STK31: variants seen among roughly 807,000 people sequenced by gnomAD.
STK31 encodes serine/threonine kinase 31, also known as serine/threonine-protein kinase 31.
A neutral mutation model predicts 129.7 loss-of-function variants in STK31; 89 were observed. The ratio of observed to expected loss-of-function variants is 0.69; its 90% CI spans 0.58 to 0.82. The LOEUF is 0.82. STK31 is among the 40% of genes least tolerant of loss of function. The pLI is 0.00. For missense variants in STK31, 1,187 were observed against 1,176.4 expected, an observed-to-expected ratio of 1.01 and a Z score of -0.13; for synonymous variants, 448 against 395.3, an observed-to-expected ratio of 1.13 and a Z score of -1.58.
At chr7:23,716,179 A>G (rs190335877) in intron 3 of STK31, among the ~76,000 whole-genome samples, 55 of 152,160 alleles carry the variant, frequency 3.6e-4, no homozygotes, top group Admixed American at 2.9e-3. Flanking sequence ...TTTTCCTTGT[A>G]TTTCAAGACT....
At chr7:23,828,313 C>G (rs553325632) in intron 23 of STK31, among the ~76,000 whole-genome samples, 1 of 152,344 alleles carries the variant, frequency 6.6e-6, no homozygotes, top group South Asian at 2.1e-4. Context: ...CTCCCCCAGC[C>G]TCGCTGCCGC....
In STK31 at chr7:23,790,954, AT is replaced by A. The variant is rs1249980561; in HGVS notation, c.2760+15del. 8.4e-6 allele frequency: 13 copies of A among 1,540,526 alleles called. No individual in the cohort carries two copies. The highest frequency in any genetic ancestry group is 1.3e-5 in the South Asian group (1 of 76,494). ...GGCTGCCTCTTATTATGGGTATGTT[AT>A]TTTTTTGTTGAAATAGATCATATAT... On this transcript the variant is annotated intron_variant, in intron 22 of 23. Transcript: ENST00000355870.
intron 21 of STK31, among the ~76,000 whole-genome samples, 185 bp from the exon 22 acceptor site, chr7:23,790,639 A>T (rs1042367408): frequency 5.3e-5 from 8 of 152,208 alleles, no homozygotes. Flanking sequence ...AAAGTCCCAT[A>T]GTTAATTTAT....
chr7:23,762,651 C>T, intron 10 of STK31, 150 bp from the exon 11 acceptor site: 3 of 749,102 alleles, frequency 4.0e-6, no homozygotes, highest in Non-Finnish European at 5.8e-6. Context: ...GTTTTTTTGT[C>T]ATTTTGTTGA....
At chr7:23,770,621 G>C (rs184612050) in intron 13 of STK31, among the ~76,000 whole-genome samples, 2 of 151,996 alleles carry the variant, frequency 1.3e-5, no homozygotes, top group African/African-American at 4.8e-5. Context: ...GAATGGCTTT[G>C]CTTTTTTTAG....
chr7:23,719,936 T>C (rs1211646747), intron 4 of STK31, among the ~76,000 whole-genome samples: 1 of 152,126 alleles, frequency 6.6e-6, no homozygotes, highest in Non-Finnish European at 1.5e-5. Flanking sequence ...CATGATACTC[T>C]CAAATTTTTT....
chr7:23,732,522 C>T (rs1442088905), intron 6 of STK31, among the ~76,000 whole-genome samples: 3 of 152,226 alleles, frequency 2.0e-5, no homozygotes, highest in Non-Finnish European at 4.4e-5. Flanking sequence ...ATTTCAAGTT[C>T]AGGGTTCTGT....
intron 15 of STK31, among the ~76,000 whole-genome samples, chr7:23,781,061 C>A (rs940426248): frequency 6.6e-5 from 10 of 152,204 alleles, no homozygotes; most frequent in African/African-American, 2.2e-4. Flanking sequence ...ATGTAGAAGA[C>A]AATTCTAGGG....
At chr7:23,771,900 G>A (rs1584418707) in intron 14 of STK31, 1 of 246,882 alleles carries the variant, frequency 4.1e-6, no homozygotes, top group East Asian at 8.3e-5. Flanking sequence ...TTTATTGTAT[G>A]TCTCAGTTTG....
chr7:23,731,221 G>C (rs1787415917), intron 6 of STK31, among the ~76,000 whole-genome samples: 2 of 151,934 alleles, frequency 1.3e-5, no homozygotes, highest in Middle Eastern at 3.4e-3. Context: ...AAAGATCATT[G>C]ATTAGAGTTA....
chr7:23,717,081 G>T (rs990483912), intron 3 of STK31, among the ~76,000 whole-genome samples: 24 of 123,752 alleles, frequency 1.9e-4, no homozygotes, highest in African/African-American at 6.3e-4. Context: ...TTACAGGTGT[G>T]AGCCATCGCA....
At chr7:23,781,184 A>G (rs1445253226) in intron 15 of STK31, among the ~76,000 whole-genome samples, 1 of 152,208 alleles carries the variant, frequency 6.6e-6, no homozygotes, top group Non-Finnish European at 1.5e-5. Flanking sequence ...AAAAATCTGT[A>G]TAATTGATTT....
At chr7:23,815,264 A>G in intron 23 of STK31, 52 bp downstream of exon 23, 2 of 1,222,394 alleles carry the variant, frequency 1.6e-6, no homozygotes, top group Non-Finnish European at 2.3e-6. Flanking sequence ...AGTAATATAA[A>G]CTTAGATATC....
intron 22 of STK31, among the ~76,000 whole-genome samples, chr7:23,802,934 T>C (rs962424647): frequency 2.6e-5 from 4 of 152,218 alleles, no homozygotes; most frequent in Non-Finnish European, 5.9e-5. Context: ...CTTTACTACA[T>C]TGAGCCTTTA....
At chr7:23,819,118 CTT>C (rs1335317338) in intron 23 of STK31, among the ~76,000 whole-genome samples, 3 of 152,130 alleles carry the variant, frequency 2.0e-5, no homozygotes, top group Non-Finnish European at 4.4e-5. Context: ...CATAATAAGA[CTT>C]TTGTTCCTGA....
At chr7:23,730,230 T>TAGCA (rs1787322073) in intron 6 of STK31, among the ~76,000 whole-genome samples, 1 of 152,218 alleles carries the variant, frequency 6.6e-6, no homozygotes, top group Admixed American at 6.5e-5. Context: ...TTATTTATAA[T>TAGCA]AGCAGCTCAA....
At chr7:23,731,404 C>T (rs1377950162) in intron 6 of STK31, among the ~76,000 whole-genome samples, 6 of 152,062 alleles carry the variant, frequency 3.9e-5, no homozygotes, top group Non-Finnish European at 7.4e-5. Context: ...TTAGTCACTC[C>T]GTATATAAAG....
chr7:23,820,378 T>G (rs937890885), intron 23 of STK31, among the ~76,000 whole-genome samples: 4 of 152,228 alleles, frequency 2.6e-5, no homozygotes, highest in African/African-American at 9.6e-5. Context: ...TAGGGAGTGC[T>G]GACTGTACTT....
chr7:23,815,763 A>T (rs1427735782), intron 23 of STK31, among the ~76,000 whole-genome samples: 1 of 152,150 alleles, frequency 6.6e-6, no homozygotes, highest in Non-Finnish European at 1.5e-5. Flanking sequence ...TGCTTGTATT[A>T]AAATATCTCA....
Sources: allele counts gnomAD v4.1 joint callset (sites outside exome capture counted in the v4.1 genomes callset), GRCh38; gene constraint gnomAD v4.1.1; transcripts MANE v1.5; gene names NCBI Gene and HGNC (gene_info 2026-07-23, HGNC 2026-07-21).